KNTC1: variants seen among roughly 807,000 people sequenced by gnomAD.
The protein encoded by KNTC1 is kinetochore associated 1, also known as kinetochore-associated protein 1.
A neutral mutation model predicts 314.4 loss-of-function variants in KNTC1; 253 were observed. The observed-to-expected ratio is 0.80, with a 90% confidence interval of 0.73 to 0.89. The LOEUF (loss-of-function observed/expected upper bound fraction) is 0.89, where lower values mean the gene tolerates loss of function less well. Among genes scored for constraint, KNTC1 ranks in the 40% least tolerant of loss-of-function variants. The pLI is 0.00. For missense variants in KNTC1, 2,475 were observed against 2,572.9 expected (o/e 0.96, Z 0.82); for synonymous variants, 901 against 901.4 (o/e 1.00, Z 0.01).
chr12:122,543,714 G>T, intron 7 of KNTC1, 80 bp downstream of exon 7: 5 of 794,220 alleles, frequency 6.3e-6, no homozygotes, highest in South Asian at 2.0e-5. Flanking sequence ...GTATATAATT[G>T]GTCTACTTCT....
chr12:122,569,800 A>G lies in KNTC1; in HGVS notation c.1836A>G (p.Val612=). 6.2e-7 allele frequency: 1 copy of G among 1,613,442 alleles called. No homozygotes were observed. The highest frequency in any genetic ancestry group is 8.5e-7 in the Non-Finnish European group (1 of 1,179,710). ...PWFKNDVIPF[V]RRTVPEGQII... is the part of the protein sequence containing the mutation. The stretch of plus-strand genomic sequence containing the variant: ...TTAAAAATGATGTGATTCCATTTGT[A>G]AGAAGGACTGTGCCTGAAGGACAGG... The change falls in exon 22 of 64, where the codon GTA becomes GTG. Residue 612 remains valine, a synonymous_variant. Transcript: ENST00000333479.
chr12:122,617,561 T>C (rs1873904950), intron 57 of KNTC1: 1 of 214,726 alleles, frequency 4.7e-6, no homozygotes, highest in Non-Finnish European at 9.7e-6. Context: ...AAATTCTTTC[T>C]CTTGTCCCCT....
Position 122,575,523 on chromosome 12 carries a change from C to G in KNTC1, c.2383-20C>G, listed in dbSNP as rs1287147068. 1.3e-6 allele frequency: 2 copies of G among 1,541,734 alleles called. No individual in the cohort carries two copies. The highest frequency in any genetic ancestry group is 1.8e-6 in the Non-Finnish European group (2 of 1,132,680). The stretch of plus-strand genomic sequence containing the variant: ...GTAAACCTGAGGGCTGTTCCTTGTC[C>G]ATGCGTGCATCTTTTGTAGCTCATA... On this transcript the variant is annotated intron_variant, in intron 27 of 63. Transcript: ENST00000333479.
At chr12:122,563,755 T>C (rs941611338) in intron 20 of KNTC1, 2 of 1,440,554 alleles carry the variant, frequency 1.4e-6, no homozygotes, top group Non-Finnish European at 1.8e-6. Flanking sequence ...ATGATCTGGC[T>C]CTTCTTGTAA....
At chr12:122,551,596 C>T (rs780650937) in intron 15 of KNTC1, 25 bp from the exon 16 acceptor site, 2 of 1,610,084 alleles carry the variant, frequency 1.2e-6, no homozygotes, top group Non-Finnish European at 8.5e-7. Context: ...AAGCATTTAA[C>T]AAAATTTCTC....
At chr12:122,549,179 A>G (rs1963012047) in intron 12 of KNTC1, among the ~76,000 whole-genome samples, 1 of 150,884 alleles carries the variant, frequency 6.6e-6, no homozygotes, top group African/African-American at 2.4e-5. Flanking sequence ...CAGCCTCCCA[A>G]GTAGCTGGGA....
rs867040923 is a variant in KNTC1 at position 122,618,491 on chromosome 12, CT to C, written c.6098del (p.Leu2033Ter). On this transcript the variant is annotated frameshift_variant, in exon 59 of 64. Transcript: ENST00000333479. LOFTEE classifies it high-confidence loss of function. ...IQIPLLSASC[P>X]LSPDQLSDCS... ...TTTGTTTTGTTTTCAGCCTCTTGTC[CT>C]TTAAGTCCTGATCAGCTGTCAGATT... 6.2e-6 allele frequency: 10 copies of C among 1,610,746 alleles called. No homozygotes were observed. The highest frequency in any genetic ancestry group is 7.6e-6 in the Non-Finnish European group (9 of 1,179,082).
In KNTC1 at chr12:122,622,562, C is replaced by A; in HGVS notation, c.6470C>A (p.Thr2157Asn). The change falls in exon 62 of 64, where the codon ACC becomes AAC. Residue 2157 changes from threonine (T) to asparagine (N), a missense_variant. Thr to Asn is a moderately conservative substitution (Grantham distance 65). Coordinates refer to ENST00000333479, the MANE Select transcript of KNTC1 (RefSeq NM_014708.6). ...ATGTTGAAGATGCATGCGATGAATA[C>A]CAACAATATCACTGAGCTAGTGAAC... ...FQMLKMHAMN[T>N]NNITELVNYL... is the part of the protein sequence containing the mutation. 6.4e-7 allele frequency: 1 copy of A among 1,567,524 alleles called. No homozygotes were observed. The highest frequency in any genetic ancestry group is 8.7e-7 in the Non-Finnish European group (1 of 1,155,084).
At position 122,529,842 on chromosome 12, in the gene KNTC1, G is replaced by A. The variant is rs1244264383; in HGVS notation, c.-73-149G>A. The A allele has an allele frequency of 1.0e-5, 4 of 389,728 alleles. No homozygotes were observed. The Admixed American group carries it at 1.3e-4, about 12-fold the overall frequency. The allele number at this position is 389,728 out of a possible 1,614,324, so 24.1% of individuals were successfully genotyped here. On this transcript the variant is annotated intron_variant, in intron 1 of 63. Transcript: ENST00000333479. The stretch of plus-strand genomic sequence containing the variant: ...TTCTCTGGTAACCATCATAGCTCTA[G>A]TTCCATTTATGTTATTGGCCCGAAG...
rs1250017879 is a variant in KNTC1 at position 122,618,338 on chromosome 12, C to T, written c.6031-5C>T. ...AATATCCCAAACGTGGACTTGTTTT[C>T]ACAGGTTCCCTACTTCAGCAAAGCG... is the stretch of plus-strand genomic sequence containing the variant. On this transcript the variant is annotated splice_polypyrimidine_tract_variant and splice_region_variant and intron_variant, in intron 57 of 63. Transcript: ENST00000333479. The T allele has an allele frequency of 6.2e-7, 1 of 1,613,172 alleles. No homozygotes were observed. Among genetic ancestry groups the T allele is most frequent in the Non-Finnish European group, 8.5e-7 (1 of 1,179,324 alleles).
At chr12:122,585,503 C>G in intron 36 of KNTC1, 133 bp from the exon 37 acceptor site, 1 of 941,366 alleles carries the variant, frequency 1.1e-6, no homozygotes, top group East Asian at 2.5e-5. Flanking sequence ...GGGCCTCCAG[C>G]AAGGCCTCCC....
rs142675834 is a variant in KNTC1 at position 122,535,765 on chromosome 12, A to G, written c.250+981A>G. The stretch of plus-strand genomic sequence containing the variant: ...CAGGAGGCAGAGGTTGCAGTGAGCC[A>G]AGATTATGCCACTATACTCTAGCCT... On this transcript the variant is annotated intron_variant, in intron 3 of 63. Coordinates refer to ENST00000333479, the MANE Select transcript of KNTC1 (RefSeq NM_014708.6). Among the ~76,000 whole-genome samples, 991 of 152,100 alleles carry G rather than the reference A, an allele frequency of 6.5e-3. 8 individuals carry two copies. The highest frequency in any genetic ancestry group is 0.023 in the African/African-American group (957 of 41,504).
intron 39 of KNTC1, among the ~76,000 whole-genome samples, chr12:122,588,416 CTT>C (rs1306401093): frequency 6.6e-6 from 1 of 152,098 alleles, no homozygotes; most frequent in African/African-American, 2.4e-5. Flanking sequence ...AATGCTGACT[CTT>C]TTTTAATGAA....
At chr12:122,621,333 G>T (rs1240461262) in intron 60 of KNTC1, among the ~76,000 whole-genome samples, 1 of 152,278 alleles carries the variant, frequency 6.6e-6, no homozygotes, top group South Asian at 2.1e-4. Flanking sequence ...GAACATACAT[G>T]CATTCAGGCT....
chr12:122,532,164 G>C (rs1233486388), intron 2 of KNTC1, among the ~76,000 whole-genome samples: 1 of 150,300 alleles, frequency 6.7e-6, no homozygotes, highest in Non-Finnish European at 1.5e-5. Flanking sequence ...CTCTGGAGTA[G>C]CTGGGATTAT....
intron 51 of KNTC1, among the ~76,000 whole-genome samples, chr12:122,605,689 G>C (rs1417888149): frequency 6.6e-6 from 1 of 152,032 alleles, no homozygotes; most frequent in Non-Finnish European, 1.5e-5. Context: ...GGGATTACAG[G>C]CGCCTGCTAC....
intron 10 of KNTC1, among the ~76,000 whole-genome samples, chr12:122,546,909 T>C (rs113898550): frequency 6.6e-6 from 1 of 151,160 alleles, no homozygotes; most frequent in Non-Finnish European, 1.5e-5. Flanking sequence ...CTCGGCTCAC[T>C]GCAACCTCCA....
At chr12:122,534,870 C>A (rs1444334896) in intron 3 of KNTC1, 86 bp downstream of exon 3, 7 of 1,281,298 alleles carry the variant, frequency 5.5e-6, no homozygotes, top group Non-Finnish European at 6.7e-6. Context: ...CTCCTCTTTA[C>A]TCCATTATTT....
chr12:122,529,571 T>A (rs796372218), intron 1 of KNTC1, among the ~76,000 whole-genome samples: 4 of 152,358 alleles, frequency 2.6e-5, no homozygotes, highest in African/African-American at 9.6e-5. Flanking sequence ...TTTTCTGAAC[T>A]TCATCTGGAA....
Sources: allele counts gnomAD v4.1 joint callset (sites outside exome capture counted in the v4.1 genomes callset), GRCh38; gene constraint gnomAD v4.1.1; transcripts MANE v1.5; gene names NCBI Gene and HGNC (gene_info 2026-07-23, HGNC 2026-07-21).